Variants in KIAA0825 observed in about 807,000 individuals in gnomAD.
KIAA0825 encodes the protein KIAA0825, also known as uncharacterized protein KIAA0825.
Under a neutral mutation model 147.6 loss-of-function variants are expected in KIAA0825, and 119 were observed. The observed-to-expected ratio is 0.81, with a 90% CI of 0.69 to 0.94. The LOEUF is 0.94. KIAA0825 is among the 40% of genes least tolerant of loss of function. KIAA0825 has a pLI of 0.00. For synonymous variants in KIAA0825, 470 were observed against 518.1 expected, an observed-to-expected ratio of 0.91 and a Z score of 1.26; for missense variants, 1,381 against 1,472.7, an observed-to-expected ratio of 0.94 and a Z score of 1.02.
At chr5:94,416,823 T>C (rs1584430914) in intron 15 of KIAA0825, 1 of 181,378 alleles carries the variant, frequency 5.5e-6, no homozygotes, top group East Asian at 1.3e-4. Context: ...GTATTGTCCA[T>C]TAATTTGCTG....
chr5:94,408,436 G>A (rs926170647), intron 15 of KIAA0825, among the ~76,000 whole-genome samples: 1 of 152,030 alleles, frequency 6.6e-6, no homozygotes, highest in Non-Finnish European at 1.5e-5. Context: ...TGTAACTTCT[G>A]CCTCCTGGGT....
chr5:94,345,045 T>A (rs1332777893), intron 20 of KIAA0825, among the ~76,000 whole-genome samples: 2 of 151,954 alleles, frequency 1.3e-5, no homozygotes, highest in Non-Finnish European at 2.9e-5. Flanking sequence ...CAGTTTAAAA[T>A]GGTTAAATGG....
intron 20 of KIAA0825, among the ~76,000 whole-genome samples, chr5:94,380,391 A>T (rs1356708094): frequency 6.6e-6 from 1 of 152,148 alleles, no homozygotes; most frequent in Non-Finnish European, 1.5e-5. Context: ...CTGCATTCTT[A>T]TTCCTCATTT....
chr5:94,560,752 G>A (rs1190719606), intron 2 of KIAA0825, among the ~76,000 whole-genome samples: 2 of 152,144 alleles, frequency 1.3e-5, no homozygotes, highest in Non-Finnish European at 1.5e-5. Context: ...AACCAGTGTC[G>A]CAGATTTGGA....
intron 2 of KIAA0825, among the ~76,000 whole-genome samples, chr5:94,565,313 A>T (rs1447986097): frequency 1.3e-5 from 2 of 150,706 alleles, no homozygotes; most frequent in African/African-American, 4.9e-5. Flanking sequence ...CATAGGGAAA[A>T]AAAATCCATG....
chr5:94,281,763 T>G (rs1245527599), intron 20 of KIAA0825, among the ~76,000 whole-genome samples: 2 of 152,112 alleles, frequency 1.3e-5, no homozygotes, highest in African/African-American at 4.8e-5. Context: ...TAGGCCCTGA[T>G]TGAGAACCAC....
At chr5:94,412,008 C>T (rs946905493) in intron 15 of KIAA0825, among the ~76,000 whole-genome samples, 1 of 150,858 alleles carries the variant, frequency 6.6e-6, no homozygotes, top group African/African-American at 2.4e-5. Flanking sequence ...CATCAAAAGA[C>T]CTTGTTAAGA....
chr5:94,589,152 A>G (rs1356471019), intron 1 of KIAA0825, among the ~76,000 whole-genome samples: 6 of 152,192 alleles, frequency 3.9e-5, no homozygotes, highest in Admixed American at 2.6e-4. Flanking sequence ...AACTTAGAGT[A>G]TAACTAAAAC....
At chr5:94,465,087 T>C (rs1178108843) in intron 10 of KIAA0825, 28 bp from the exon 11 acceptor site, 10 of 1,536,982 alleles carry the variant, frequency 6.5e-6, no homozygotes, top group African/African-American at 5.5e-5. Flanking sequence ...CGTTAAACCA[T>C]AGAGTTACAT....
At chr5:94,316,416 C>A (rs1779666873) in intron 20 of KIAA0825, among the ~76,000 whole-genome samples, 1 of 151,304 alleles carries the variant, frequency 6.6e-6, no homozygotes. Flanking sequence ...TGAAACACTG[C>A]AGGGGACTAG....
chr5:94,571,812 ATATTT>A (rs1164887117), intron 2 of KIAA0825, among the ~76,000 whole-genome samples: 5 of 152,256 alleles, frequency 3.3e-5, no homozygotes, highest in Admixed American at 3.3e-4. Flanking sequence ...ATGTACACTG[ATATTT>A]TGTTTTGTTA....
At position 94,529,292 on chromosome 5, in the gene KIAA0825, A is replaced by ATATCATATATATGTATG. The variant is rs1561268273; in HGVS notation, c.132-5195_132-5194insCATACATATATATGATA. Among the ~76,000 whole-genome samples the ATATCATATATATGTATG allele has an allele frequency of 4.7e-4, 64 of 136,450 alleles. No individual in the cohort carries two copies. In the South Asian group the frequency reaches 6.4e-3, roughly 14 times the overall value. The allele number at this position is 136,450 out of a possible 152,430, so 89.5% of individuals were successfully genotyped here. Reference sequence around the variant, plus strand: ...ATATGTATGTATCATATATATGTATATATCATATATATGTATATATCATAT... The same window carrying ATATCATATATATGTATG: ...ATATGTATGTATCATATATATGTATATATCATATATATGTATGTATCATATATATGTATATATCATAT... On this transcript the variant is annotated intron_variant, in intron 3 of 20. Transcript: ENST00000682413.
At chr5:94,472,258 AG>A (rs900875763) in intron 8 of KIAA0825, among the ~76,000 whole-genome samples, 24 of 152,164 alleles carry the variant, frequency 1.6e-4, no homozygotes, top group Non-Finnish European at 3.1e-4. Context: ...AGCAACTTTT[AG>A]AAGTGATGAG....
intron 1 of KIAA0825, among the ~76,000 whole-genome samples, chr5:94,603,966 A>G (rs1561383237): frequency 1.3e-5 from 2 of 152,222 alleles, no homozygotes; most frequent in Admixed American, 6.5e-5. Flanking sequence ...AGACTCTTAC[A>G]CAATAATAAA....
At chr5:94,525,181 TAA>T (rs1769037218) in intron 3 of KIAA0825, among the ~76,000 whole-genome samples, 1 of 151,860 alleles carries the variant, frequency 6.6e-6, no homozygotes, top group African/African-American at 2.4e-5. Flanking sequence ...TACTAAGAGG[TAA>T]AGTTAGTGTT....
chr5:94,432,415 C>T (rs1360461630), intron 14 of KIAA0825, among the ~76,000 whole-genome samples: 2 of 152,140 alleles, frequency 1.3e-5, no homozygotes, highest in Non-Finnish European at 2.9e-5. Context: ...AGCACCACCC[C>T]CACCTCACCC....
intron 2 of KIAA0825, among the ~76,000 whole-genome samples, chr5:94,556,418 T>C (rs1308832990): frequency 1.3e-5 from 2 of 152,164 alleles, no homozygotes; most frequent in Non-Finnish European, 2.9e-5. Flanking sequence ...TTTTAATAAC[T>C]TAATAACAAT....
At chr5:94,387,984 C>T (rs1438828431) in intron 18 of KIAA0825, among the ~76,000 whole-genome samples, 4 of 152,152 alleles carry the variant, frequency 2.6e-5, no homozygotes, top group Non-Finnish European at 5.9e-5. Context: ...TAACAATCAT[C>T]GTTTTTGAAC....
chr5:94,540,404 T>C (rs1773048030), intron 2 of KIAA0825, among the ~76,000 whole-genome samples: 1 of 152,156 alleles, frequency 6.6e-6, no homozygotes, highest in South Asian at 2.1e-4. Flanking sequence ...CTGGATAAGG[T>C]TTCCCTCTTG....
Sources: allele counts gnomAD v4.1 joint callset (sites outside exome capture counted in the v4.1 genomes callset), GRCh38; gene constraint gnomAD v4.1.1; transcripts MANE v1.5; gene names NCBI Gene and HGNC (gene_info 2026-07-23, HGNC 2026-07-21).